The following KDM4B variants were observed in gnomAD, a reference collection of about 807,000 sequenced individuals.
KDM4B encodes the protein lysine-specific demethylase 4B.
In KDM4B, 32 loss-of-function variants were observed where a neutral mutation model predicts 125.2. The observed-to-expected ratio is 0.26, with a 90% CI of 0.19 to 0.34. The LOEUF (loss-of-function observed/expected upper bound fraction) is 0.34, where lower values mean the gene tolerates loss of function less well. Ranked by LOEUF, KDM4B falls within the 10% of genes least tolerant of loss-of-function variation. KDM4B has a pLI of 1.00. For synonymous variants in KDM4B, 721 were observed against 677.9 expected, an observed-to-expected ratio of 1.06 and a Z score of -0.99; for missense variants, 1,190 against 1,577.7, an observed-to-expected ratio of 0.75 and a Z score of 4.16.
rs187705612 is a variant in KDM4B at position 4,992,151 on chromosome 19, G to A, written c.-109+22921G>A. On this transcript the variant is annotated intron_variant, in intron 1 of 22. Coordinates refer to ENST00000159111, the MANE Select transcript of KDM4B (RefSeq NM_015015.3). ...CGGAACAGCCCTGTATCTGATTGCAGTGGCGGTTCCAGGAATCTGTGCAGA... is the reference window on the plus strand; with the variant it reads ...CGGAACAGCCCTGTATCTGATTGCAATGGCGGTTCCAGGAATCTGTGCAGA... Among the ~76,000 whole-genome samples, 41 of 152,270 alleles carry A rather than the reference G, an allele frequency of 2.7e-4. No individual in the cohort carries two copies. The East Asian group carries it at 7.7e-3, about 29-fold the overall frequency.
chr19:5,018,900 C>T (rs149901607), intron 2 of KDM4B, among the ~76,000 whole-genome samples: 88 of 152,370 alleles, frequency 5.8e-4, no homozygotes, highest in African/African-American at 2.1e-3. Flanking sequence ...AGCCTTGCTC[C>T]ATTTCATGGC....
chr19:5,114,058 C>A lies in KDM4B; in HGVS notation c.1115+3240C>A. ...TGGATGGGTCGCCTAAAACTGCAGC[C>A]TGGCTCCTGGCGGGTGCCCTCAGCC... On this transcript the variant is annotated intron_variant, in intron 10 of 22. Coordinates refer to ENST00000159111, the MANE Select transcript of KDM4B (RefSeq NM_015015.3). The surrounding 1 kb of genome is among the most constrained non-coding windows in gnomAD (Gnocchi z 5.8). 1.6e-6 allele frequency: 2 copies of A among 1,288,558 alleles called. No individual in the cohort carries two copies. Among genetic ancestry groups the A allele is most frequent in the Non-Finnish European group, 2.0e-6 (2 of 988,190 alleles). 79.8% of individuals were successfully genotyped at this position (1,288,558 alleles called of 1,614,324 possible).
chr19:5,040,412 C>A (rs1162137133), intron 4 of KDM4B, among the ~76,000 whole-genome samples: 1 of 152,096 alleles, frequency 6.6e-6, no homozygotes, highest in African/African-American at 2.4e-5. Flanking sequence ...ACATGTAACA[C>A]ACATGGGTAC....
chr19:5,018,998 T>C (rs1209591536), intron 2 of KDM4B, among the ~76,000 whole-genome samples: 2 of 152,144 alleles, frequency 1.3e-5, no homozygotes, highest in East Asian at 3.9e-4. Flanking sequence ...CTATTGGGAG[T>C]CGTGCTGCTG....
intron 18 of KDM4B, among the ~76,000 whole-genome samples, chr19:5,139,598 T>G (rs988149610): frequency 2.6e-5 from 4 of 152,250 alleles, no homozygotes; most frequent in Non-Finnish European, 5.9e-5. Flanking sequence ...CCTTTGACTT[T>G]TTTGTAGCAG....
intron 2 of KDM4B, among the ~76,000 whole-genome samples, chr19:5,026,034 C>T (rs972885138): frequency 6.6e-6 from 1 of 151,886 alleles, no homozygotes; most frequent in African/African-American, 2.4e-5. Context: ...AGGCGCATGC[C>T]ACCACACCCA....
At chr19:5,144,658 C>T in intron 20 of KDM4B, 125 bp from the exon 21 acceptor site, 1 of 1,408,658 alleles carries the variant, frequency 7.1e-7, no homozygotes, top group South Asian at 1.3e-5. Flanking sequence ...CCCCGGGCCC[C>T]CGCAGCCAGC....
intron 18 of KDM4B, among the ~76,000 whole-genome samples, chr19:5,143,318 C>CAAA (rs11373969): frequency 2.1e-5 from 3 of 144,302 alleles, no homozygotes; most frequent in Admixed American, 6.8e-5. Flanking sequence ...CACCCAGGCT[C>CAAA]AAAAAAAAAA....
intron 6 of KDM4B, among the ~76,000 whole-genome samples, chr19:5,064,745 G>A (rs916750390): frequency 3.9e-5 from 6 of 152,198 alleles, no homozygotes; most frequent in Non-Finnish European, 7.4e-5. Flanking sequence ...AGCCCATTCC[G>A]CTTGCAGTAG....
At chr19:5,030,464 A>AG (rs1174239520) in intron 2 of KDM4B, among the ~76,000 whole-genome samples, 1 of 152,062 alleles carries the variant, frequency 6.6e-6, no homozygotes, top group South Asian at 2.1e-4. Flanking sequence ...GAGCCTGCAG[A>AG]GGGGGGTGGG....
At position 5,131,253 on chromosome 19, in the gene KDM4B, A is replaced by C; in HGVS notation, c.1493A>C (p.Glu498Ala). 6.2e-7 allele frequency: 1 copy of C among 1,609,362 alleles called. No homozygotes were observed. Among genetic ancestry groups the C allele is most frequent in the South Asian group, 1.1e-5 (1 of 90,748 alleles). The change falls in exon 12 of 23, where the codon GAG (glutamate) becomes GCG (alanine). Residue 498 changes from glutamate (E) to alanine (A), a missense_variant. Coordinates refer to ENST00000159111, the MANE Select transcript of KDM4B (RefSeq NM_015015.3). ...PVLGPGPAAM[E>A]ESPLPAPLNV... ...CTGGGCCCAGGCCCTGCAGCCATGG[A>C]GGAGAGCCCCCTGCCGGCACCCCTT...
intron 1 of KDM4B, among the ~76,000 whole-genome samples, chr19:5,012,100 C>T (rs1008321185): frequency 3.3e-5 from 5 of 151,958 alleles, no homozygotes; most frequent in Admixed American, 2.0e-4. Context: ...GTGGGCTCCC[C>T]TTGCCAGTTC....
intron 3 of KDM4B, among the ~76,000 whole-genome samples, chr19:5,036,783 C>T (rs1358473148): frequency 2.6e-5 from 4 of 152,260 alleles, no homozygotes; most frequent in African/African-American, 9.6e-5. Flanking sequence ...CCGCCTGGAG[C>T]CCTCCTTCTG....
At chr19:4,985,623 C>T (rs1237529236) in intron 1 of KDM4B, among the ~76,000 whole-genome samples, 1 of 152,220 alleles carries the variant, frequency 6.6e-6, no homozygotes, top group Admixed American at 6.5e-5. Flanking sequence ...AGGGATCTGG[C>T]CCCGCGTGCT....
intron 9 of KDM4B, among the ~76,000 whole-genome samples, chr19:5,110,012 G>A (rs1254734218): frequency 6.6e-6 from 1 of 152,202 alleles, no homozygotes; most frequent in Non-Finnish European, 1.5e-5. Context: ...CTGGTCTCTG[G>A]ACAGCTGTGC....
intron 10 of KDM4B, chr19:5,119,238 C>T: frequency 6.8e-7 from 1 of 1,465,684 alleles, no homozygotes; most frequent in Non-Finnish European, 9.2e-7. Flanking sequence ...CTTTTTCGTT[C>T]CGTTTGTCGT....
intron 3 of KDM4B, among the ~76,000 whole-genome samples, chr19:5,033,750 C>T (rs1201016083): frequency 6.6e-6 from 1 of 151,148 alleles, no homozygotes; most frequent in Non-Finnish European, 1.5e-5. Context: ...ATTGGTTCTT[C>T]TCTCTCTCTC....
At chr19:5,032,721 C>A in intron 2 of KDM4B, 145 bp from the exon 3 acceptor site, 1 of 665,548 alleles carries the variant, frequency 1.5e-6, no homozygotes, top group Non-Finnish European at 2.5e-6. Flanking sequence ...TTCTCTTCTG[C>A]CCTCACTCAG....
At chr19:5,021,924 A>G (rs1458328727) in intron 2 of KDM4B, among the ~76,000 whole-genome samples, 2 of 152,090 alleles carry the variant, frequency 1.3e-5, no homozygotes, top group African/African-American at 2.4e-5. Context: ...GTGAGCCACC[A>G]TATCCAGCCA....
Sources: allele counts gnomAD v4.1 joint callset (sites outside exome capture counted in the v4.1 genomes callset), GRCh38; gene constraint gnomAD v4.1.1; non-coding constraint Gnocchi (gnomAD v3.1); transcripts MANE v1.5; gene names NCBI Gene and HGNC (gene_info 2026-07-23, HGNC 2026-07-21).